Variants in GLMN observed in about 807,000 individuals in gnomAD.
The protein encoded by GLMN is glomulin, FKBP associated protein, also known as glomulin.
Under a neutral mutation model 87.8 loss-of-function variants are expected in GLMN, and 75 were observed. The observed-to-expected ratio is 0.85, with a 90% CI of 0.71 to 1.04. GLMN has a LOEUF of 1.04. Among genes scored for constraint, GLMN ranks in the 50% least tolerant of loss-of-function variants. The pLI is 0.00. For missense variants in GLMN, 588 were observed against 658.8 expected (o/e 0.89, Z 1.18); for synonymous variants, 206 against 221.6 (o/e 0.93, Z 0.63).
Position 92,265,334 on chromosome 1 carries a change from A to C in GLMN, c.1215-696T>G, listed in dbSNP as rs78929659. ...GAGTAGCTTAATTGCAAAAAAAAAA[A>C]AAAAACTAGATATGACTAGCTTAAG... On this transcript the variant is annotated intron_variant, in intron 13 of 18. Transcript: ENST00000370360. Among the ~76,000 whole-genome samples the C allele has an allele frequency of 2.0e-3, 86 of 43,970 alleles. 1 individual carries two copies. The highest frequency in any genetic ancestry group is 6.8e-3 in the African/African-American group (81 of 11,922). 28.8% of individuals were successfully genotyped at this position (43,970 alleles called of 152,430 possible). A position where few individuals can be genotyped will look rare whatever the true frequency, so the allele number is the denominator to read the frequency against.
At chr1:92,338,718 A>G in the GLMN span, among the ~76,000 whole-genome samples, 1 of 149,128 alleles carries the variant, frequency 6.7e-6, no homozygotes, top group African/African-American at 2.5e-5. Flanking sequence ...TGATGCGATC[A>G]TGGCTCACTG....
At chr1:92,349,300 A>G in the GLMN span, among the ~76,000 whole-genome samples, 3 of 152,250 alleles carry the variant, frequency 2.0e-5, no homozygotes, top group East Asian at 5.8e-4. Flanking sequence ...TGTTCTTTAT[A>G]TATGAATATT....
At chr1:92,269,272 A>C (rs1307610064) in intron 9 of GLMN, among the ~76,000 whole-genome samples, 2 of 151,504 alleles carry the variant, frequency 1.3e-5, no homozygotes, top group Non-Finnish European at 1.5e-5. Context: ...TAATTGAATG[A>C]CATCACTGTC....
upstream of GLMN, among the ~76,000 whole-genome samples, chr1:92,303,010 A>G (rs1650972839): frequency 1.3e-5 from 2 of 152,108 alleles, no homozygotes; most frequent in African/African-American, 4.8e-5. Context: ...ACCAGTCTGG[A>G]CAACACAGCG....
intron 16 of GLMN, among the ~76,000 whole-genome samples, chr1:92,252,049 C>T (rs144732781): frequency 2.5e-3 from 375 of 152,220 alleles, no homozygotes; most frequent in African/African-American, 8.5e-3. Context: ...CTGCCCGCCT[C>T]AGCCTCCCAA....
At chr1:92,352,138 T>C in the GLMN span, among the ~76,000 whole-genome samples, 2 of 152,244 alleles carry the variant, frequency 1.3e-5, no homozygotes, top group African/African-American at 4.8e-5. Flanking sequence ...AAATGTCTGC[T>C]TTCATTTTAT....
chr1:92,299,423 G>A (rs1343738773), upstream of GLMN, among the ~76,000 whole-genome samples: 1 of 152,134 alleles, frequency 6.6e-6, no homozygotes, highest in Non-Finnish European at 1.5e-5. Context: ...GGGAACCCAG[G>A]CCTGGGGTCC....
At chr1:92,353,089 A>C in the GLMN span, among the ~76,000 whole-genome samples, 2 of 152,202 alleles carry the variant, frequency 1.3e-5, no homozygotes, top group Non-Finnish European at 1.5e-5. Context: ...TTTATTCATC[A>C]GTTGACAAAC....
At chr1:92,294,537 A>C (rs1328729651) in intron 3 of GLMN, among the ~76,000 whole-genome samples, 2 of 152,228 alleles carry the variant, frequency 1.3e-5, no homozygotes, top group African/African-American at 4.8e-5. Flanking sequence ...ATAGTATGTG[A>C]ATGGTCTCTC....
the GLMN span, among the ~76,000 whole-genome samples, chr1:92,308,174 C>A: frequency 6.6e-6 from 1 of 152,218 alleles, no homozygotes; most frequent in East Asian, 1.9e-4. Flanking sequence ...GACAACAGCA[C>A]CTGTGATGGC....
chr1:92,316,575 A>G, the GLMN span, among the ~76,000 whole-genome samples: 45 of 152,380 alleles, frequency 3.0e-4, 1 homozygote, highest in South Asian at 8.9e-3. Flanking sequence ...AGTGAAAGTA[A>G]GATGAAAATG....
intron 3 of GLMN, among the ~76,000 whole-genome samples, chr1:92,294,982 AGT>A (rs2101059345): frequency 6.6e-6 from 1 of 152,342 alleles, no homozygotes; most frequent in South Asian, 2.1e-4. Flanking sequence ...CCCAGCCTGT[AGT>A]CAGTTTTGAA....
chr1:92,366,844 G>T, the GLMN span, among the ~76,000 whole-genome samples: 1 of 152,088 alleles, frequency 6.6e-6, no homozygotes, highest in Non-Finnish European at 1.5e-5. Context: ...GTGACATTTT[G>T]ACCCTTGGTG....
At chr1:92,359,806 G>A in the GLMN span, among the ~76,000 whole-genome samples, 2 of 152,198 alleles carry the variant, frequency 1.3e-5, no homozygotes, top group African/African-American at 2.4e-5. Flanking sequence ...AATGGCAAGA[G>A]GCAGAGGATG....
intron 3 of GLMN, among the ~76,000 whole-genome samples, chr1:92,295,328 TC>T (rs1398317660): frequency 6.6e-6 from 1 of 152,104 alleles, no homozygotes; most frequent in South Asian, 2.1e-4. Context: ...TTTTTTTTTT[TC>T]ACTCCTCAAT....
At chr1:92,253,381 G>C in intron 16 of GLMN, among the ~76,000 whole-genome samples, 1 of 152,308 alleles carries the variant, frequency 6.6e-6, no homozygotes, top group East Asian at 1.9e-4. Flanking sequence ...GCTCTGAAGA[G>C]AGCAGCAGAT....
rs568059077 is a variant in GLMN, at chr1:92,282,440, C to T, written c.735+4050G>A. ...TTTGAAACCAATGAGAACAAAGACA[C>T]AATATACCAGAATCTCTGGGACACA... On this transcript the variant is annotated intron_variant, in intron 7 of 18. Coordinates refer to ENST00000370360, the MANE Select transcript of GLMN (RefSeq NM_053274.3). 2.0e-5 allele frequency among the ~76,000 whole-genome samples: 3 copies of T among 152,252 alleles called. No homozygotes were observed. The South Asian group carries it at 6.2e-4, about 32-fold the overall frequency.
chr1:92,328,956 G>A, the GLMN span, among the ~76,000 whole-genome samples: 9 of 152,160 alleles, frequency 5.9e-5, no homozygotes, highest in South Asian at 2.1e-4. Context: ...GGCTTCTGGC[G>A]GGTACTAGGG....
At chr1:92,366,238 G>A in the GLMN span, among the ~76,000 whole-genome samples, 1 of 152,170 alleles carries the variant, frequency 6.6e-6, no homozygotes, top group Non-Finnish European at 1.5e-5. Context: ...AGGAGTTTGA[G>A]GCTGCAGTGA....
Sources: gnomAD v4.1 joint callset for allele counts (sites outside exome capture counted in the v4.1 genomes callset) on GRCh38, gnomAD v4.1.1 for gene constraint, MANE v1.5 for transcripts, NCBI Gene and HGNC (gene_info 2026-07-23, HGNC 2026-07-21) for gene names.